Variants in HS2ST1 observed in about 807,000 individuals in gnomAD.
HS2ST1 encodes 2-O-sulfotransferase.
In HS2ST1, 18 loss-of-function variants were observed where a neutral mutation model predicts 42.9. The ratio of observed to expected loss-of-function variants is 0.42; its 90% CI spans 0.29 to 0.62. The LOEUF (loss-of-function observed/expected upper bound fraction) is 0.62, where lower values mean the gene tolerates loss of function less well. Among genes scored for constraint, HS2ST1 ranks in the 20% least tolerant of loss-of-function variants. The probability of loss-of-function intolerance (pLI) is 0.21; values close to 1 mark genes in which losing one functional copy is unlikely to be tolerated. For synonymous variants in HS2ST1, 146 were observed against 152.9 expected (o/e 0.95, Z 0.33); for missense variants, 334 against 433.8 (o/e 0.77, Z 2.04).
intron 1 of HS2ST1, among the ~76,000 whole-genome samples, chr1:86,983,913 G>A (rs1030505046): frequency 3.9e-5 from 6 of 151,942 alleles, no homozygotes; most frequent in Admixed American, 2.6e-4. Flanking sequence ...GGTGGCGGGC[G>A]CCTCTAATCC....
chr1:87,104,310 G>A (rs1277056401), intron 6 of HS2ST1, among the ~76,000 whole-genome samples, 160 bp from the exon 7 acceptor site: 1 of 152,098 alleles, frequency 6.6e-6, no homozygotes, highest in Admixed American at 6.5e-5. Context: ...CATGGCTCTA[G>A]TTTGATCAAG....
intron 1 of HS2ST1, chr1:87,045,823 T>A: frequency 1.3e-6 from 1 of 768,242 alleles, no homozygotes; most frequent in South Asian, 1.4e-5. Context: ...TTATCCCATG[T>A]GAGCTCAGCT....
intron 1 of HS2ST1, chr1:87,044,855 A>G: frequency 1.1e-6 from 1 of 923,854 alleles, no homozygotes; most frequent in Non-Finnish European, 1.6e-6. Flanking sequence ...CTTTGGAACA[A>G]AGGACATAAC....
At chr1:87,073,237 A>C in intron 2 of HS2ST1, 65 bp downstream of exon 2, 79 of 1,096,854 alleles carry the variant, frequency 7.2e-5, no homozygotes, top group Non-Finnish European at 9.9e-5. Flanking sequence ...TTTCTAGCTC[A>C]AGGGGATAAA....
intron 1 of HS2ST1, among the ~76,000 whole-genome samples, chr1:86,934,047 G>A (rs1660594093): frequency 1.3e-5 from 2 of 152,272 alleles, no homozygotes; most frequent in South Asian, 4.1e-4. Context: ...TAGTGAGCCT[G>A]TGTCTTTGGA....
At chr1:86,943,728 A>G (rs9433114) in intron 1 of HS2ST1, among the ~76,000 whole-genome samples, 14,427 of 149,966 alleles carry the variant, frequency 0.096, 933 homozygotes, top group African/African-American at 0.19. Context: ...GAAAAAAAAA[A>G]GAAAAAAAAA....
intron 2 of HS2ST1, among the ~76,000 whole-genome samples, chr1:87,083,384 A>G (rs1651738747): frequency 6.6e-6 from 1 of 152,166 alleles, no homozygotes; most frequent in Non-Finnish European, 1.5e-5. Context: ...CACTCTATCT[A>G]GGTTCTAAAA....
chr1:86,982,342 G>A (rs1443188144), intron 1 of HS2ST1, among the ~76,000 whole-genome samples: 1 of 152,098 alleles, frequency 6.6e-6, no homozygotes, highest in Non-Finnish European at 1.5e-5. Context: ...ACTTACACAC[G>A]TTTCTGCAGC....
chr1:86,964,134 G>A (rs1425344544), intron 1 of HS2ST1, among the ~76,000 whole-genome samples: 6 of 151,706 alleles, frequency 4.0e-5, no homozygotes, highest in Non-Finnish European at 5.9e-5. Flanking sequence ...GGGCAGAGAC[G>A]CTCCTCACTT....
intron 1 of HS2ST1, among the ~76,000 whole-genome samples, chr1:86,973,015 T>G (rs934966099): frequency 6.6e-6 from 1 of 152,220 alleles, no homozygotes; most frequent in Non-Finnish European, 1.5e-5. Flanking sequence ...TCTTTTGTCA[T>G]GGGGTTCACG....
chr1:86,927,221 A>G (rs1660440308), intron 1 of HS2ST1, among the ~76,000 whole-genome samples: 1 of 152,328 alleles, frequency 6.6e-6, no homozygotes, highest in Non-Finnish European at 1.5e-5. Flanking sequence ...AATAGTAGTT[A>G]TATTCAATAT....
intron 1 of HS2ST1, among the ~76,000 whole-genome samples, chr1:87,000,209 T>TG (rs976531417): frequency 6.6e-6 from 1 of 152,142 alleles, no homozygotes; most frequent in African/African-American, 2.4e-5. Flanking sequence ...GACTTAAAAT[T>TG]GATGCTTGAG....
In HS2ST1 at chr1:87,001,223, A is replaced by G. The variant is rs114885850; in HGVS notation, c.125-71711A>G. Among the ~76,000 whole-genome samples the G allele has an allele frequency of 5.3e-3, 814 of 152,312 alleles. 10 individuals carry two copies. The highest frequency in any genetic ancestry group is 7.3e-3 in the Non-Finnish European group (497 of 68,014). ...GTGAATACCTTTGGATTTACTGTAC[A>G]CAGGCTACTCCTCATAATCCATTGC... On this transcript the variant is annotated intron_variant, in intron 1 of 6. Coordinates refer to ENST00000370550, the MANE Select transcript of HS2ST1 (RefSeq NM_012262.4).
At chr1:86,986,895 T>C (rs1280681797) in intron 1 of HS2ST1, among the ~76,000 whole-genome samples, 4 of 152,122 alleles carry the variant, frequency 2.6e-5, no homozygotes, top group African/African-American at 9.7e-5. Context: ...TAATTTGTTA[T>C]GACAGTCATA....
chr1:86,929,034 C>T (rs1660479477), intron 1 of HS2ST1, among the ~76,000 whole-genome samples: 1 of 151,840 alleles, frequency 6.6e-6, no homozygotes, highest in South Asian at 2.1e-4. Context: ...CAATAACTAA[C>T]AGTTATGGAG....
At chr1:86,950,496 T>C (rs1647480358) in intron 1 of HS2ST1, among the ~76,000 whole-genome samples, 1 of 152,132 alleles carries the variant, frequency 6.6e-6, no homozygotes, top group Non-Finnish European at 1.5e-5. Context: ...CTAAAGGACA[T>C]TATTAGGGTG....
intron 2 of HS2ST1, among the ~76,000 whole-genome samples, chr1:87,082,147 A>T (rs181669487): frequency 6.6e-6 from 1 of 152,312 alleles, no homozygotes; most frequent in East Asian, 1.9e-4. Context: ...TGGAAAACCC[A>T]GAAGAAATGA....
chr1:86,922,033 T>C (rs1277758381), intron 1 of HS2ST1, among the ~76,000 whole-genome samples: 1 of 152,188 alleles, frequency 6.6e-6, no homozygotes, highest in Admixed American at 6.5e-5. Flanking sequence ...GGGTTTAAAT[T>C]CGTGAGTTGC....
At chr1:86,917,748 A>G (rs1039301766) in intron 1 of HS2ST1, among the ~76,000 whole-genome samples, 1 of 152,220 alleles carries the variant, frequency 6.6e-6, no homozygotes, top group African/African-American at 2.4e-5. Context: ...GAGTTTTAAA[A>G]TTGTAATATC....
Sources: allele counts gnomAD v4.1 joint callset (sites outside exome capture counted in the v4.1 genomes callset), GRCh38; gene constraint gnomAD v4.1.1; transcripts MANE v1.5; gene names NCBI Gene and HGNC (gene_info 2026-07-23, HGNC 2026-07-21).